AKAP7: variants seen among roughly 807,000 people sequenced by gnomAD.
AKAP7 encodes A kinase (PRKA) anchor protein 7.
A neutral mutation model predicts 39.5 loss-of-function variants in AKAP7; 39 were observed. The ratio of observed to expected loss-of-function variants is 0.99; its 90% CI spans 0.76 to 1.29. AKAP7 has a LOEUF of 1.29. Among genes scored for constraint, AKAP7 ranks in the 50% most tolerant of loss-of-function variants. AKAP7 has a pLI of 0.00. For missense variants in AKAP7, 414 were observed against 407.7 expected (o/e 1.02, Z -0.13); for synonymous variants, 140 against 139.1 (o/e 1.01, Z -0.05).
At chr6:131,202,303 G>A (rs1190808) in intron 6 of AKAP7, among the ~76,000 whole-genome samples, 104,571 of 114,990 alleles carry the variant, frequency 0.91, 47,258 homozygotes, top group East Asian at 0.97. Flanking sequence ...ATAAAGACAC[G>A]TGCACACATA....
At chr6:131,264,600 C>G (rs1357819559) in intron 7 of AKAP7, among the ~76,000 whole-genome samples, 1 of 152,162 alleles carries the variant, frequency 6.6e-6, no homozygotes, top group Non-Finnish European at 1.5e-5. Context: ...AACCTTCTAA[C>G]TTGAAAGAGG....
chr6:131,175,729 A>G (rs974386239), intron 5 of AKAP7, among the ~76,000 whole-genome samples: 2 of 152,160 alleles, frequency 1.3e-5, no homozygotes. Context: ...TAAGACCCAC[A>G]TTTGAGATAT....
At chr6:131,185,373 G>C in intron 5 of AKAP7, 1 of 531,678 alleles carries the variant, frequency 1.9e-6, no homozygotes, top group Non-Finnish European at 3.6e-6. Flanking sequence ...AAGAAAGGCA[G>C]GCACATGCTG....
At chr6:131,198,785 G>A (rs909820463) in intron 5 of AKAP7, among the ~76,000 whole-genome samples, 2 of 152,170 alleles carry the variant, frequency 1.3e-5, no homozygotes, top group African/African-American at 2.4e-5. Flanking sequence ...CCTTTTGAAT[G>A]TGTTTTTCCC....
the AKAP7 span, among the ~76,000 whole-genome samples, chr6:131,128,346 T>C: frequency 6.6e-6 from 1 of 152,096 alleles, no homozygotes; most frequent in Admixed American, 6.6e-5. Context: ...ATAACAGCCA[T>C]TTGAACATTG....
Position 131,282,547 on chromosome 6 carries a change from A to C in AKAP7, c.*821A>C. On this transcript the variant is annotated 3_prime_UTR_variant, in exon 8 of 8. Transcript: ENST00000431975. ...TTAGGAGGGAGCTTTTTGAAGGAAG[A>C]CTTATTAACAACAGTAATTCAGCAA... 1 of 1,535,902 alleles carries C rather than the reference A, an allele frequency of 6.5e-7. No individual in the cohort carries two copies. Among genetic ancestry groups the C allele is most frequent in the South Asian group, 1.2e-5 (1 of 84,040 alleles).
intron 5 of AKAP7, among the ~76,000 whole-genome samples, chr6:131,173,155 C>T (rs1852783): frequency 0.34 from 50,060 of 148,030 alleles, 9,183 homozygotes; most frequent in East Asian, 0.76. Flanking sequence ...GAGCCGAGAT[C>T]GTGCCACTGC....
chr6:131,245,056 G>C (rs1811886711), intron 7 of AKAP7, among the ~76,000 whole-genome samples: 1 of 152,078 alleles, frequency 6.6e-6, no homozygotes, highest in South Asian at 2.1e-4. Flanking sequence ...CTTTTTGCAG[G>C]TAATTAAGAA....
At chr6:131,154,092 C>T (rs1802192961) in intron 2 of AKAP7, among the ~76,000 whole-genome samples, 1 of 152,074 alleles carries the variant, frequency 6.6e-6, no homozygotes, top group Non-Finnish European at 1.5e-5. Context: ...CCTGTAATTC[C>T]AGTTACTCGG....
At chr6:131,251,689 A>T (rs1316986654) in intron 7 of AKAP7, among the ~76,000 whole-genome samples, 2 of 152,228 alleles carry the variant, frequency 1.3e-5, no homozygotes, top group Non-Finnish European at 2.9e-5. Flanking sequence ...ACTGTGGAGC[A>T]TTTGATTGTT....
At chr6:131,128,194 G>A in the AKAP7 span, among the ~76,000 whole-genome samples, 1 of 151,986 alleles carries the variant, frequency 6.6e-6, no homozygotes, top group Middle Eastern at 3.2e-3. Flanking sequence ...TAAAATAATG[G>A]ATTTTATAAA....
intron 1 of AKAP7, among the ~76,000 whole-genome samples, chr6:131,138,176 T>A (rs934132805): frequency 1.3e-5 from 2 of 152,178 alleles, no homozygotes; most frequent in Non-Finnish European, 2.9e-5. Context: ...TGAGTTCAAA[T>A]GTTTTAATTT....
chr6:131,207,998 T>A (rs1808292976), intron 6 of AKAP7, among the ~76,000 whole-genome samples: 1 of 152,236 alleles, frequency 6.6e-6, no homozygotes, highest in African/African-American at 2.4e-5. Context: ...AGTTTTTAGT[T>A]GTTTTTGAGT....
chr6:131,185,279 G>T, intron 5 of AKAP7: 1 of 470,016 alleles, frequency 2.1e-6, no homozygotes, highest in Non-Finnish European at 4.0e-6. Context: ...GGTACGAGTA[G>T]TTGTCCAGAG....
intron 7 of AKAP7, among the ~76,000 whole-genome samples, chr6:131,226,905 A>G (rs932891995): frequency 1.3e-5 from 2 of 152,204 alleles, no homozygotes; most frequent in African/African-American, 4.8e-5. Flanking sequence ...AACATGTACG[A>G]TGTGCCTACT....
chr6:131,130,885 T>C (rs1214253194), upstream of AKAP7, among the ~76,000 whole-genome samples: 2 of 152,100 alleles, frequency 1.3e-5, no homozygotes, highest in Non-Finnish European at 2.9e-5. Flanking sequence ...GCTATTAAGA[T>C]TTAGATGTTA....
intron 1 of AKAP7, among the ~76,000 whole-genome samples, chr6:131,141,257 AAT>A (rs1801000609): frequency 6.6e-6 from 1 of 151,940 alleles, no homozygotes; most frequent in Non-Finnish European, 1.5e-5. Flanking sequence ...TCCCTGTGAT[AAT>A]GAGTTCAGAA....
intron 2 of AKAP7, among the ~76,000 whole-genome samples, chr6:131,149,913 A>C (rs1801785727): frequency 6.6e-6 from 1 of 152,158 alleles, no homozygotes; most frequent in African/African-American, 2.4e-5. Flanking sequence ...CCACAGTGTG[A>C]CTTTGTGGAG....
chr6:131,190,991 G>GCTCA (rs1385231340), intron 5 of AKAP7, among the ~76,000 whole-genome samples: 1 of 152,190 alleles, frequency 6.6e-6, no homozygotes. Context: ...TACAGGGAGT[G>GCTCA]CTCAGTAGGT....
Sources: gnomAD v4.1 joint callset for allele counts (sites outside exome capture counted in the v4.1 genomes callset) on GRCh38, gnomAD v4.1.1 for gene constraint, MANE v1.5 for transcripts, NCBI Gene and HGNC (gene_info 2026-07-23, HGNC 2026-07-21) for gene names.